Variants in EYS observed in about 807,000 individuals in gnomAD.
The protein encoded by EYS is protein eyes shut homolog.
A neutral mutation model predicts 282.1 loss-of-function variants in EYS; 250 were observed. That is an observed-to-expected ratio of 0.89 (90% CI 0.80 to 0.98). The LOEUF (loss-of-function observed/expected upper bound fraction) is 0.98, where lower values mean the gene tolerates loss of function less well. Ranked by LOEUF, EYS falls within the 50% of genes least tolerant of loss-of-function variation. The pLI is 0.00. For missense variants in EYS, 4,016 were observed against 3,709.0 expected (o/e 1.08, Z -2.15); for synonymous variants, 1,355 against 1,282.9 (o/e 1.06, Z -1.20).
intron 2 of EYS, among the ~76,000 whole-genome samples, chr6:65,511,645 T>G (rs1415641748): frequency 6.6e-6 from 1 of 152,046 alleles, no homozygotes; most frequent in Non-Finnish European, 1.5e-5. Context: ...TTAGCAAAAT[T>G]GATGTCAAAA....
chr6:63,944,671 G>A (rs1357792772), intron 35 of EYS, among the ~76,000 whole-genome samples: 4 of 152,144 alleles, frequency 2.6e-5, no homozygotes, highest in Non-Finnish European at 5.9e-5. Flanking sequence ...GCTCATGCCT[G>A]TAATCCTAGC....
intron 19 of EYS, among the ~76,000 whole-genome samples, chr6:64,823,765 T>G (rs1764968496): frequency 6.6e-6 from 1 of 151,932 alleles, no homozygotes; most frequent in Admixed American, 6.6e-5. Flanking sequence ...AACAAGAATT[T>G]AAATCATGTT....
At chr6:65,401,055 GACAAGGA>G (rs1766474867) in intron 7 of EYS, among the ~76,000 whole-genome samples, 1 of 151,818 alleles carries the variant, frequency 6.6e-6, no homozygotes, top group Non-Finnish European at 1.5e-5. Flanking sequence ...AAACACTAGA[GACAAGGA>G]ACAACCATTT....
chr6:64,342,400 G>T (rs1052474661), intron 29 of EYS, among the ~76,000 whole-genome samples: 1 of 151,942 alleles, frequency 6.6e-6, no homozygotes, highest in African/African-American at 2.4e-5. Flanking sequence ...AAGAGAGTGG[G>T]GGCCAATACT....
intron 29 of EYS, among the ~76,000 whole-genome samples, chr6:64,354,270 G>C (rs920268360): frequency 6.6e-6 from 1 of 151,508 alleles, no homozygotes; most frequent in Non-Finnish European, 1.5e-5. Context: ...TTTGTTAACA[G>C]ATACCCTAAT....
chr6:65,187,680 A>G (rs1470105043), intron 12 of EYS, among the ~76,000 whole-genome samples: 3 of 151,716 alleles, frequency 2.0e-5, no homozygotes, highest in African/African-American at 7.2e-5. Context: ...ATAAGCATCA[A>G]AAATAATTTA....
chr6:65,241,168 C>T (rs1458275732), intron 12 of EYS, among the ~76,000 whole-genome samples: 1 of 152,066 alleles, frequency 6.6e-6, no homozygotes, highest in Non-Finnish European at 1.5e-5. Context: ...TTCACTGATT[C>T]AGTCTTCTTC....
chr6:63,723,973 A>G (rs1287357949), intron 42 of EYS, among the ~76,000 whole-genome samples: 1 of 151,890 alleles, frequency 6.6e-6, no homozygotes, highest in African/African-American at 2.4e-5. Context: ...ACGGCCGGCT[A>G]ATTTTTGTAT....
intron 1 of EYS, among the ~76,000 whole-genome samples, chr6:65,686,664 G>A (rs574698723): frequency 2.0e-4 from 31 of 152,176 alleles, no homozygotes; most frequent in Non-Finnish European, 4.1e-4. Flanking sequence ...TCACTTTAAG[G>A]AATTCTTATT....
chr6:65,601,260 T>C (rs560566144), intron 2 of EYS, among the ~76,000 whole-genome samples: 1 of 152,032 alleles, frequency 6.6e-6, no homozygotes, highest in South Asian at 2.1e-4. Flanking sequence ...GGAACATACA[T>C]TAGCCATATC....
chr6:65,505,004 C>T (rs1012394570), intron 2 of EYS, among the ~76,000 whole-genome samples: 4 of 151,784 alleles, frequency 2.6e-5, no homozygotes, highest in Non-Finnish European at 5.9e-5. Flanking sequence ...CTTTCTTTCA[C>T]ATTTGATAGA....
At position 64,396,611 on chromosome 6, in the gene EYS, T is replaced by C. The variant is rs142073839; in HGVS notation, c.5928-7771A>G. On this transcript the variant is annotated intron_variant, in intron 28 of 42. Transcript: ENST00000503581. ...TGGTTTTTATATAGTCCCAAGTATG[T>C]ATCAGTTTTTATTTTTTCTCTATGG... is the stretch of plus-strand genomic sequence containing the variant. Among the ~76,000 whole-genome samples, 282 of 152,238 alleles carry C rather than the reference T, an allele frequency of 1.9e-3. 3 individuals are homozygous for C. In the East Asian group the frequency reaches 0.036, roughly 20 times the overall value.
chr6:64,823,689 C>T (rs1431371463), intron 19 of EYS, among the ~76,000 whole-genome samples: 5 of 151,934 alleles, frequency 3.3e-5, no homozygotes, highest in African/African-American at 1.2e-4. Flanking sequence ...ATCTCATTAA[C>T]CTTAACTCAC....
At chr6:65,695,136 T>C (rs1287740330) in intron 1 of EYS, among the ~76,000 whole-genome samples, 3 of 152,094 alleles carry the variant, frequency 2.0e-5, no homozygotes, top group Admixed American at 6.6e-5. Flanking sequence ...GGTGTCCATG[T>C]ACATAGAAAT....
At chr6:65,588,290 T>C (rs1417871998) in intron 2 of EYS, among the ~76,000 whole-genome samples, 4 of 152,098 alleles carry the variant, frequency 2.6e-5, no homozygotes, top group Admixed American at 2.6e-4. Flanking sequence ...CCATAAATCA[T>C]ATTCTTATTG....
intron 2 of EYS, among the ~76,000 whole-genome samples, chr6:65,529,216 C>T (rs953151612): frequency 2.0e-5 from 3 of 152,088 alleles, no homozygotes; most frequent in Non-Finnish European, 4.4e-5. Flanking sequence ...AGGAGTGACA[C>T]ATTTTAAGCT....
At chr6:63,925,737 A>G (rs1581984146) in intron 35 of EYS, among the ~76,000 whole-genome samples, 1 of 152,078 alleles carries the variant, frequency 6.6e-6, no homozygotes, top group Admixed American at 6.5e-5. Flanking sequence ...TCTGCCTCCC[A>G]GGTTCAAGCC....
chr6:63,782,514 C>T (rs952831401), intron 39 of EYS, among the ~76,000 whole-genome samples: 3 of 152,198 alleles, frequency 2.0e-5, no homozygotes, highest in Admixed American at 6.5e-5. Flanking sequence ...TCCATTTCTT[C>T]TAACTTTTCT....
At chr6:63,848,427 T>A (rs1039736298) in intron 36 of EYS, among the ~76,000 whole-genome samples, 3 of 151,942 alleles carry the variant, frequency 2.0e-5, no homozygotes, top group African/African-American at 7.3e-5. Context: ...GGTCTGCAGC[T>A]CCCAGCAAGA....
Sources: allele counts gnomAD v4.1 joint callset (sites outside exome capture counted in the v4.1 genomes callset), GRCh38; gene constraint gnomAD v4.1.1; transcripts MANE v1.5; gene names NCBI Gene and HGNC (gene_info 2026-07-23, HGNC 2026-07-21).